TAX1BP1: variants seen among roughly 807,000 people sequenced by gnomAD.
TAX1BP1 encodes the protein Tax1 binding protein 1.
Under a neutral mutation model 97.7 loss-of-function variants are expected in TAX1BP1, and 62 were observed. That is an observed-to-expected ratio of 0.63 (90% CI 0.52 to 0.78). The LOEUF (loss-of-function observed/expected upper bound fraction) is 0.78. TAX1BP1 is among the 30% of genes least tolerant of loss of function. The pLI is 0.00. For synonymous variants in TAX1BP1, 340 were observed against 304.2 expected (o/e 1.12, Z -1.23); for missense variants, 867 against 916.1 (o/e 0.95, Z 0.69).
intron 3 of TAX1BP1, among the ~76,000 whole-genome samples, chr7:27,759,431 G>T (rs921087905): frequency 1.4e-4 from 21 of 152,036 alleles, no homozygotes; most frequent in Admixed American, 8.5e-4. Flanking sequence ...AGTAATCAAA[G>T]TACATGCTAA....
At chr7:27,810,952 AG>A (rs1231433429) in intron 13 of TAX1BP1, among the ~76,000 whole-genome samples, 1 of 151,996 alleles carries the variant, frequency 6.6e-6, no homozygotes, top group African/African-American at 2.4e-5. Flanking sequence ...GTCTCTTCCT[AG>A]TATACAGTGT....
intron 13 of TAX1BP1, among the ~76,000 whole-genome samples, chr7:27,802,935 G>C (rs1790194507): frequency 6.6e-6 from 1 of 152,094 alleles, no homozygotes; most frequent in Non-Finnish European, 1.5e-5. Flanking sequence ...TAAGAATAAG[G>C]CAAGTTGGTC....
chr7:27,765,148 T>C (rs1390884213), intron 3 of TAX1BP1, among the ~76,000 whole-genome samples: 1 of 147,104 alleles, frequency 6.8e-6, no homozygotes, highest in Non-Finnish European at 1.5e-5. Context: ...CCCTAGTAGC[T>C]GGGACTGCAG....
chr7:27,780,431 T>C (rs1217778927), intron 5 of TAX1BP1, among the ~76,000 whole-genome samples: 6 of 152,234 alleles, frequency 3.9e-5, no homozygotes, highest in Admixed American at 6.5e-5. Flanking sequence ...ACGAGCCTTA[T>C]AGTCGTTCCT....
chr7:27,828,605 A>G, intron 16 of TAX1BP1, 23 bp from the exon 17 acceptor site: 1 of 1,606,288 alleles, frequency 6.2e-7, no homozygotes, highest in Non-Finnish European at 8.5e-7. Context: ...GAAACATGTA[A>G]TTCTTTCATT....
intron 2 of TAX1BP1, among the ~76,000 whole-genome samples, chr7:27,750,513 A>C (rs547390518): frequency 1.2e-4 from 19 of 152,352 alleles, no homozygotes; most frequent in Admixed American, 8.5e-4. Flanking sequence ...AGAATGAGTA[A>C]GTCAGTTTAA....
chr7:27,819,721 G>T (rs571735284), intron 15 of TAX1BP1, among the ~76,000 whole-genome samples: 160 of 152,296 alleles, frequency 1.1e-3, no homozygotes, highest in African/African-American at 3.7e-3. Context: ...AGTTGAGGAA[G>T]GTACTGAATG....
chr7:27,821,997 G>A (rs1352579898), intron 15 of TAX1BP1, among the ~76,000 whole-genome samples: 2 of 152,270 alleles, frequency 1.3e-5, no homozygotes, highest in East Asian at 1.9e-4. Flanking sequence ...ATGCATCCAT[G>A]TTTAACATGA....
intron 13 of TAX1BP1, among the ~76,000 whole-genome samples, chr7:27,806,576 G>T (rs1026052331): frequency 6.6e-6 from 1 of 152,066 alleles, no homozygotes; most frequent in African/African-American, 2.4e-5. Context: ...ATGCAGTTGG[G>T]TCTCTTTCTG....
At chr7:27,778,210 T>C (rs1287275965) in intron 5 of TAX1BP1, among the ~76,000 whole-genome samples, 1 of 152,206 alleles carries the variant, frequency 6.6e-6, no homozygotes, top group Non-Finnish European at 1.5e-5. Context: ...CTGCAATGTA[T>C]GTAAATGCAT....
chr7:27,779,537 G>C (rs1459919963), intron 5 of TAX1BP1, among the ~76,000 whole-genome samples: 2 of 152,158 alleles, frequency 1.3e-5, no homozygotes, highest in Non-Finnish European at 2.9e-5. Flanking sequence ...AGTTGAATTT[G>C]GGTATGATCA....
At chr7:27,769,583 C>T in intron 4 of TAX1BP1, 93 bp from the exon 5 acceptor site, 2 of 1,052,262 alleles carry the variant, frequency 1.9e-6, no homozygotes, top group Non-Finnish European at 2.7e-6. Context: ...TGAATGTCTT[C>T]ATTATTTTTT....
chr7:27,785,000 A>G (rs575788461), intron 5 of TAX1BP1, among the ~76,000 whole-genome samples, 163 bp from the exon 6 acceptor site: 160 of 152,260 alleles, frequency 1.1e-3, no homozygotes, highest in African/African-American at 3.7e-3. Flanking sequence ...AAATTTAAAT[A>G]TATGTTATCA....
Position 27,816,328 on chromosome 7 carries a change from CTTTGTT to C in TAX1BP1, c.1765-14_1765-9del. The C allele has an allele frequency of 6.5e-7, 1 of 1,530,764 alleles. No homozygotes were observed. Among genetic ancestry groups the C allele is most frequent in the Non-Finnish European group, 8.7e-7 (1 of 1,145,080 alleles). The allele number at this position is 1,530,764 out of a possible 1,614,324, so 94.8% of individuals were successfully genotyped here. Reference sequence around the variant, plus strand: ...ATATTTTATTGCTTTGCTTATTCATCTTTGTTTTTGTTAATTTTAGGAACTTAAAAG... The same window carrying C: ...ATATTTTATTGCTTTGCTTATTCATCTTTGTTAATTTTAGGAACTTAAAAG... On this transcript the variant is annotated splice_polypyrimidine_tract_variant and intron_variant, in intron 13 of 16. Coordinates refer to ENST00000396319, the MANE Select transcript of TAX1BP1 (RefSeq NM_006024.7).
chr7:27,817,060 T>C (rs994363497), intron 15 of TAX1BP1, 22 bp downstream of exon 15: 6 of 1,596,484 alleles, frequency 3.8e-6, no homozygotes, highest in East Asian at 4.5e-5. Flanking sequence ...TTTCATTGTG[T>C]GAGCCTGTCC....
intron 13 of TAX1BP1, among the ~76,000 whole-genome samples, chr7:27,813,938 G>C (rs1270433960): frequency 6.6e-6 from 1 of 151,688 alleles, no homozygotes; most frequent in Non-Finnish European, 1.5e-5. Context: ...ATACTTAATG[G>C]TCAGTAAGTC....
In TAX1BP1 at chr7:27,765,994, G is replaced by T; in HGVS notation, c.426G>T (p.Val142=). 2 of 1,614,014 alleles carry T rather than the reference G, an allele frequency of 1.2e-6. No individual in the cohort carries two copies. Among genetic ancestry groups the T allele is most frequent in the Non-Finnish European group, 1.7e-6 (2 of 1,179,994 alleles). Residue 142 remains valine, a synonymous_variant, in exon 4 of 17, where the codon GTG becomes GTT. Coordinates refer to ENST00000396319, the MANE Select transcript of TAX1BP1 (RefSeq NM_006024.7). ...MEDEGNSDML[V]VTTKAGLLEL... is the part of the protein sequence containing the mutation. The stretch of plus-strand genomic sequence containing the variant: ...ATGAAGGAAATTCTGACATGTTAGT[G>T]GTGACCACAAAAGCAGGCCTTCTTG...
intron 1 of TAX1BP1, among the ~76,000 whole-genome samples, chr7:27,741,479 T>G (rs566301663): frequency 6.6e-6 from 1 of 152,310 alleles, no homozygotes; most frequent in African/African-American, 2.4e-5. Flanking sequence ...TTGTAGTTTT[T>G]GTTTTCTAGT....
At chr7:27,817,994 C>T (rs1024782715) in intron 15 of TAX1BP1, among the ~76,000 whole-genome samples, 2 of 152,112 alleles carry the variant, frequency 1.3e-5, no homozygotes, top group African/African-American at 4.8e-5. Flanking sequence ...CTCCTGTGTC[C>T]ATTACTGGGA....
Sources: gnomAD v4.1 joint callset for allele counts (sites outside exome capture counted in the v4.1 genomes callset) on GRCh38, gnomAD v4.1.1 for gene constraint, MANE v1.5 for transcripts, NCBI Gene and HGNC (gene_info 2026-07-23, HGNC 2026-07-21) for gene names.